The following PIAS2 variants were observed in gnomAD, a reference collection of about 807,000 sequenced individuals.
The protein encoded by PIAS2 is protein inhibitor of activated STAT 2, also known as E3 SUMO-protein ligase PIAS2.
A neutral mutation model predicts 69.7 loss-of-function variants in PIAS2; 19 were observed. The observed-to-expected ratio is 0.27, with a 90% CI of 0.19 to 0.40. The LOEUF is 0.40. Ranked by LOEUF, PIAS2 falls within the 10% of genes least tolerant of loss-of-function variation. The pLI is 1.00. For synonymous variants in PIAS2, 261 were observed against 263.2 expected (o/e 0.99, Z 0.08); for missense variants, 624 against 757.0 (o/e 0.82, Z 2.06).
chr18:46,828,833 T>C (rs928638743), intron 10 of PIAS2, among the ~76,000 whole-genome samples: 5 of 152,220 alleles, frequency 3.3e-5, no homozygotes, highest in African/African-American at 1.2e-4. Context: ...GTAATGTATT[T>C]AGTTAAAAAT....
At chr18:46,894,815 A>C (rs2054591033) in intron 1 of PIAS2, among the ~76,000 whole-genome samples, 1 of 152,158 alleles carries the variant, frequency 6.6e-6, no homozygotes, top group Non-Finnish European at 1.5e-5. Context: ...TCATACCTGT[A>C]ATCCCAGCAC....
chr18:46,879,566 CAT>C (rs1270746494), intron 2 of PIAS2, among the ~76,000 whole-genome samples: 7 of 152,128 alleles, frequency 4.6e-5, no homozygotes, highest in African/African-American at 1.4e-4. Flanking sequence ...GGTGTATACT[CAT>C]AAGAATTAAA....
In PIAS2 at chr18:46,917,194, G is replaced by C. The variant is rs1211743963; in HGVS notation, c.24+128C>G. The stretch of plus-strand genomic sequence containing the variant: ...GCGCCCTCGGCGCCCGTTCGTCCGC[G>C]GGCCGGGGCTCAGGGCTCCGCCAAC... On this transcript the variant is annotated intron_variant, in intron 1 of 13. Transcript: ENST00000585916. 8 of 1,202,628 alleles carry C rather than the reference G, an allele frequency of 6.7e-6. No individual in the cohort carries two copies. In the Admixed American group the frequency reaches 2.7e-4, roughly 41 times the overall value. 74.5% of individuals were successfully genotyped at this position (1,202,628 alleles called of 1,614,324 possible). A position where few individuals can be genotyped will look rare whatever the true frequency, so the allele number is the denominator to read the frequency against.
chr18:46,848,788 TGAGAGA>T (rs60707180), intron 5 of PIAS2, among the ~76,000 whole-genome samples: 2 of 146,200 alleles, frequency 1.4e-5, no homozygotes, highest in Non-Finnish European at 3.0e-5. Flanking sequence ...TGTGTGTGTG[TGAGAGA>T]GAGAGAGTAG....
intron 2 of PIAS2, among the ~76,000 whole-genome samples, chr18:46,885,049 T>C (rs1242564813): frequency 6.6e-6 from 1 of 152,230 alleles, no homozygotes; most frequent in Non-Finnish European, 1.5e-5. Flanking sequence ...TCCATTTTGT[T>C]AACAGTAGAA....
At chr18:46,862,300 A>C (rs1211401060) in intron 3 of PIAS2, among the ~76,000 whole-genome samples, 1 of 152,084 alleles carries the variant, frequency 6.6e-6, no homozygotes, top group Non-Finnish European at 1.5e-5. Context: ...TACTGCACTC[A>C]CTCCAGCCTG....
chr18:46,872,259 C>A (rs2050472522), intron 2 of PIAS2, among the ~76,000 whole-genome samples: 1 of 152,186 alleles, frequency 6.6e-6, no homozygotes, highest in South Asian at 2.1e-4. Flanking sequence ...CTATCCTCAG[C>A]AAAATACCAT....
chr18:46,806,270 A>G lies in PIAS2; in HGVS notation c.*6163T>C, dbSNP rs2040679215. The G allele has an allele frequency of 6.6e-6, 1 of 151,766 alleles. No homozygotes were observed. Among genetic ancestry groups the G allele is most frequent in the Non-Finnish European group, 1.5e-5 (1 of 67,984 alleles). 9.4% of individuals were successfully genotyped at this position (151,766 alleles called of 1,614,324 possible). On this transcript the variant is annotated 3_prime_UTR_variant, in exon 14 of 14. Coordinates refer to ENST00000585916, the MANE Select transcript of PIAS2 (RefSeq NM_004671.5). ...TTACCTAAACCTGTTTCATTTGTAA[A>G]ATGGGGAATAACACCACTTTCCTCT...
At chr18:46,915,536 GAAGTA>G (rs2057726129) in intron 1 of PIAS2, 1 of 152,196 alleles carries the variant, frequency 6.6e-6, no homozygotes, top group African/African-American at 2.4e-5. Context: ...AAAAATGCAA[GAAGTA>G]AAGACAGCTG....
intron 8 of PIAS2, among the ~76,000 whole-genome samples, chr18:46,842,623 C>T (rs1327886611): frequency 1.3e-5 from 2 of 152,138 alleles, no homozygotes; most frequent in East Asian, 1.9e-4. Context: ...AACAAAAAGG[C>T]AATTTCACTT....
chr18:46,850,063 A>C (rs2046738647), intron 5 of PIAS2, among the ~76,000 whole-genome samples: 1 of 152,180 alleles, frequency 6.6e-6, no homozygotes, highest in Non-Finnish European at 1.5e-5. Flanking sequence ...GTGCCTCAAA[A>C]TTTCTTTTCC....
rs1055466569 is a variant in PIAS2, at chr18:46,808,338, A to C, written c.*4095T>G. Reference sequence around the variant, plus strand: ...ATTGTCTAAATTTTCCACAATAAGCATGTACTACTGACATAAACAGAAAAA... The same window carrying C: ...ATTGTCTAAATTTTCCACAATAAGCCTGTACTACTGACATAAACAGAAAAA... On this transcript the variant is annotated 3_prime_UTR_variant, in exon 14 of 14. Coordinates refer to ENST00000585916, the MANE Select transcript of PIAS2 (RefSeq NM_004671.5). 1.3e-5 allele frequency: 2 copies of C among 152,246 alleles called. No homozygotes were observed. Among genetic ancestry groups the C allele is most frequent in the Non-Finnish European group, 2.9e-5 (2 of 68,034 alleles). 9.4% of individuals were successfully genotyped at this position (152,246 alleles called of 1,614,324 possible).
chr18:46,856,380 T>C (rs931490859), intron 3 of PIAS2, among the ~76,000 whole-genome samples: 1 of 152,142 alleles, frequency 6.6e-6, no homozygotes, highest in African/African-American at 2.4e-5. Context: ...TTAGTTTTTA[T>C]AGCTACTAGG....
chr18:46,878,371 A>C (rs1266409009), intron 2 of PIAS2, among the ~76,000 whole-genome samples: 2 of 152,208 alleles, frequency 1.3e-5, no homozygotes, highest in Non-Finnish European at 2.9e-5. Flanking sequence ...TTCAGGAAAA[A>C]ACAAGCAGTT....
intron 5 of PIAS2, among the ~76,000 whole-genome samples, chr18:46,850,987 T>C (rs2046882374): frequency 6.6e-6 from 1 of 152,138 alleles, no homozygotes; most frequent in Non-Finnish European, 1.5e-5. Context: ...TAGTTTTGAG[T>C]CTACTATAAT....
intron 2 of PIAS2, among the ~76,000 whole-genome samples, chr18:46,888,970 G>T (rs1165326817): frequency 1.3e-5 from 2 of 152,166 alleles, no homozygotes; most frequent in Non-Finnish European, 2.9e-5. Context: ...AGGGTGCTAA[G>T]ATCATTCAGT....
At chr18:46,830,788 T>G (rs2043496552) in intron 9 of PIAS2, among the ~76,000 whole-genome samples, 1 of 152,198 alleles carries the variant, frequency 6.6e-6, no homozygotes, top group Non-Finnish European at 1.5e-5. Flanking sequence ...ATGTCTTCTC[T>G]AGGGAATTCT....
intron 11 of PIAS2, among the ~76,000 whole-genome samples, chr18:46,823,341 C>T (rs933971310): frequency 6.6e-6 from 1 of 151,996 alleles, no homozygotes; most frequent in African/African-American, 2.4e-5. Flanking sequence ...TTCCCACTCC[C>T]CCTTCTCTTC....
At position 46,846,963 on chromosome 18, in the gene PIAS2, T is replaced by C. The variant is rs923134029; in HGVS notation, c.727-122A>G. 19 of 793,916 alleles carry C rather than the reference T, an allele frequency of 2.4e-5. No individual in the cohort carries two copies. In the African/African-American group the frequency reaches 3.2e-4, roughly 13 times the overall value. The allele number at this position is 793,916 out of a possible 1,614,324, so 49.2% of individuals were successfully genotyped here. On this transcript the variant is annotated intron_variant, in intron 5 of 13. Coordinates refer to ENST00000585916, the MANE Select transcript of PIAS2 (RefSeq NM_004671.5). ...CACTATTTTTATTTTAGCCTAAAAA[T>C]CATATAGCCCTTATGATCATTATCA...
Sources: allele counts gnomAD v4.1 joint callset (sites outside exome capture counted in the v4.1 genomes callset), GRCh38; gene constraint gnomAD v4.1.1; transcripts MANE v1.5; gene names NCBI Gene and HGNC (gene_info 2026-07-23, HGNC 2026-07-21).